CFAP299: variants seen among roughly 807,000 people sequenced by gnomAD.
CFAP299 encodes cilia and flagella associated protein 299.
Under a neutral mutation model 27.0 loss-of-function variants are expected in CFAP299, and 21 were observed. That is an observed-to-expected ratio of 0.78 (90% CI 0.55 to 1.12). The LOEUF is 1.12. CFAP299 is among the 50% of genes most tolerant of loss of function. The pLI is 0.00. For missense variants in CFAP299, 310 were observed against 276.6 expected (o/e 1.12, Z -0.86); for synonymous variants, 104 against 98.1 (o/e 1.06, Z -0.36).
At chr4:80,905,768 A>G (rs530158591) in intron 4 of CFAP299, among the ~76,000 whole-genome samples, 17 of 152,310 alleles carry the variant, frequency 1.1e-4, no homozygotes, top group African/African-American at 4.1e-4. Flanking sequence ...AGAACTCGTT[A>G]TCACAAGAAC....
At chr4:80,435,514 C>A (rs527663413) in intron 2 of CFAP299, among the ~76,000 whole-genome samples, 3 of 152,158 alleles carry the variant, frequency 2.0e-5, no homozygotes, top group African/African-American at 7.2e-5. Context: ...AATTGTTCAA[C>A]CCCTAAGGAA....
chr4:80,547,553 G>A (rs947964151), intron 2 of CFAP299, among the ~76,000 whole-genome samples: 2 of 151,972 alleles, frequency 1.3e-5, no homozygotes, highest in Admixed American at 6.6e-5. Context: ...AAGAGCTTCC[G>A]CACAGCAAAA....
intron 4 of CFAP299, among the ~76,000 whole-genome samples, chr4:80,930,624 T>C (rs2110218283): frequency 6.6e-6 from 1 of 152,242 alleles, no homozygotes; most frequent in South Asian, 2.1e-4. Context: ...CATGCACATT[T>C]GTTCACAGAA....
At chr4:80,366,148 A>G (rs1172320543) in intron 2 of CFAP299, among the ~76,000 whole-genome samples, 1 of 152,176 alleles carries the variant, frequency 6.6e-6, no homozygotes, top group African/African-American at 2.4e-5. Flanking sequence ...TCCTGTGCCT[A>G]TATTTGTTGG....
intron 2 of CFAP299, among the ~76,000 whole-genome samples, chr4:80,438,799 G>A (rs1728212464): frequency 6.6e-6 from 1 of 152,094 alleles, no homozygotes; most frequent in Non-Finnish European, 1.5e-5. Context: ...AAATAGAATT[G>A]GTAAATGTAT....
intron 4 of CFAP299, among the ~76,000 whole-genome samples, chr4:80,943,533 A>G (rs1472946794): frequency 6.6e-6 from 1 of 152,054 alleles, no homozygotes; most frequent in Non-Finnish European, 1.5e-5. Context: ...TTTGAGAGGC[A>G]CCCTGGTTTG....
In CFAP299 at chr4:80,870,144, C is replaced by T. The variant is rs750096957; in HGVS notation, c.476+9C>T. On this transcript the variant is annotated intron_variant, in intron 4 of 5. Coordinates refer to ENST00000358105, the MANE Select transcript of CFAP299 (RefSeq NM_152770.3). ...AGGCCTACAGATATAAGGTAAATTACATACAATTTTTGCACCCTTAGAGGC... is the reference window on the plus strand; with the variant it reads ...AGGCCTACAGATATAAGGTAAATTATATACAATTTTTGCACCCTTAGAGGC... The T allele has an allele frequency of 1.9e-6, 3 of 1,591,454 alleles. No homozygotes were observed. Among genetic ancestry groups the T allele is most frequent in the Non-Finnish European group, 2.6e-6 (3 of 1,169,342 alleles).
At chr4:80,870,512 G>C in intron 4 of CFAP299, 1 of 992,798 alleles carries the variant, frequency 1.0e-6, no homozygotes, top group Non-Finnish European at 1.2e-6. Flanking sequence ...ACCAGCCAAA[G>C]TGCTGGCCCC....
intron 2 of CFAP299, among the ~76,000 whole-genome samples, chr4:80,461,281 G>C (rs908763560): frequency 6.6e-6 from 1 of 151,966 alleles, no homozygotes; most frequent in Non-Finnish European, 1.5e-5. Context: ...AAAGAAAGGA[G>C]GTTCTCTACA....
At chr4:80,325,819 G>A in the CFAP299 span, among the ~76,000 whole-genome samples, 3 of 152,142 alleles carry the variant, frequency 2.0e-5, no homozygotes, top group South Asian at 6.2e-4. Flanking sequence ...ATGAAGGAAA[G>A]AGTATCTTCT....
Position 80,856,559 on chromosome 4 carries a change from C to G in CFAP299, c.334-13434C>G, listed in dbSNP as rs564012628. Reference sequence around the variant, plus strand: ...TAGGTCTAACGTTTAAGTCTTTAATCCATCTTGAATTAATTTTTGTATAAG... The same window carrying G: ...TAGGTCTAACGTTTAAGTCTTTAATGCATCTTGAATTAATTTTTGTATAAG... On this transcript the variant is annotated intron_variant, in intron 3 of 5. Transcript: ENST00000358105. 3.8e-3 allele frequency among the ~76,000 whole-genome samples: 576 copies of G among 151,906 alleles called. 1 individual carries two copies. Among genetic ancestry groups the G allele is most frequent in the Middle Eastern group, 0.014 (4 of 290 alleles).
chr4:80,399,714 T>C (rs1400266445), intron 2 of CFAP299, among the ~76,000 whole-genome samples: 4 of 136,890 alleles, frequency 2.9e-5, no homozygotes, highest in South Asian at 2.8e-4. Context: ...GGGGGAGGGA[T>C]AGCATTAGGA....
intron 2 of CFAP299, among the ~76,000 whole-genome samples, chr4:80,447,134 T>TTTG (rs1560571623): frequency 3.4e-5 from 4 of 118,934 alleles, no homozygotes; most frequent in African/African-American, 1.2e-4. Context: ...TTTTTTGTTT[T>TTTG]TTTTTTTTTT....
intron 4 of CFAP299, among the ~76,000 whole-genome samples, chr4:80,934,830 C>A (rs959378350): frequency 6.6e-6 from 1 of 151,968 alleles, no homozygotes; most frequent in East Asian, 1.9e-4. Flanking sequence ...TTTCTAACAG[C>A]CAGCTTTTGG....
intron 3 of CFAP299, among the ~76,000 whole-genome samples, chr4:80,856,168 C>T (rs1383866214): frequency 6.6e-6 from 1 of 151,718 alleles, no homozygotes; most frequent in Non-Finnish European, 1.5e-5. Flanking sequence ...TGATGGTGAG[C>T]ATTTTTTCAT....
chr4:80,788,662 T>C (rs1331155069), intron 3 of CFAP299, among the ~76,000 whole-genome samples: 1 of 151,992 alleles, frequency 6.6e-6, no homozygotes, highest in Non-Finnish European at 1.5e-5. Flanking sequence ...TGAATAAATT[T>C]GTTTGAAAAG....
chr4:80,690,796 GC>G (rs1720618688), intron 3 of CFAP299, among the ~76,000 whole-genome samples: 1 of 150,156 alleles, frequency 6.7e-6, no homozygotes, highest in South Asian at 2.1e-4. Context: ...TAGACCGCTA[GC>G]AAGACTAATA....
intron 2 of CFAP299, among the ~76,000 whole-genome samples, chr4:80,379,296 T>A (rs1483025568): frequency 2.6e-5 from 4 of 151,940 alleles, no homozygotes; most frequent in African/African-American, 4.8e-5. Flanking sequence ...ATCTCTGATA[T>A]TAGTAGGTCA....
At chr4:80,911,284 T>A (rs1735461414) in intron 4 of CFAP299, among the ~76,000 whole-genome samples, 2 of 151,458 alleles carry the variant, frequency 1.3e-5, no homozygotes. Context: ...TTTCTACCCA[T>A]TTTTACCTTT....
Sources: gnomAD v4.1 joint callset for allele counts (sites outside exome capture counted in the v4.1 genomes callset) on GRCh38, gnomAD v4.1.1 for gene constraint, MANE v1.5 for transcripts, NCBI Gene and HGNC (gene_info 2026-07-23, HGNC 2026-07-21) for gene names.